Variants in APOH observed in about 807,000 individuals in gnomAD.
The protein encoded by APOH is beta-2-glycoprotein 1.
In APOH, 48 loss-of-function variants were observed where a neutral mutation model predicts 39.8. That is an observed-to-expected ratio of 1.21 (90% CI 0.96 to 1.54). The LOEUF is 1.54. Among genes scored for constraint, APOH ranks in the 40% most tolerant of loss-of-function variants. The pLI, the probability that APOH is intolerant of heterozygous loss-of-function variation, is 0.00. For synonymous variants in APOH, 153 were observed against 151.1 expected (o/e 1.01, Z -0.09); for missense variants, 415 against 421.2 (o/e 0.99, Z 0.13).
At chr17:66,227,905 C>G (rs948742229) in intron 2 of APOH, 115 bp downstream of exon 2, 4 of 1,139,756 alleles carry the variant, frequency 3.5e-6, no homozygotes, top group Middle Eastern at 6.1e-4. Context: ...TCCAACCTGG[C>G]TTTCTGCAGC....
intron 2 of APOH, 38 bp from the exon 3 acceptor site, chr17:66,226,162 G>T: frequency 7.0e-7 from 1 of 1,438,606 alleles, no homozygotes; most frequent in South Asian, 1.3e-5. Context: ...TTTTCTTTGG[G>T]CTAAAAAAAA....
At chr17:66,219,726 C>G (rs942685213) in intron 5 of APOH, among the ~76,000 whole-genome samples, 1 of 152,084 alleles carries the variant, frequency 6.6e-6, no homozygotes, top group Non-Finnish European at 1.5e-5. Flanking sequence ...TCAGACCAGC[C>G]AGATGATCAT....
chr17:66,225,951 A>C, intron 3 of APOH, 77 bp downstream of exon 3: 1 of 956,164 alleles, frequency 1.0e-6, no homozygotes, highest in Non-Finnish European at 1.6e-6. Context: ...CAAAATATAG[A>C]CCAGTCTTGA....
intron 5 of APOH, among the ~76,000 whole-genome samples, chr17:66,220,234 T>A (rs1030388450): frequency 1.2e-4 from 18 of 152,140 alleles, no homozygotes; most frequent in African/African-American, 4.1e-4. Context: ...CTTTCATGTC[T>A]CCCCCATGTG....
At chr17:66,215,777 G>T (rs926293012) in intron 6 of APOH, among the ~76,000 whole-genome samples, 1 of 152,168 alleles carries the variant, frequency 6.6e-6, no homozygotes, top group African/African-American at 2.4e-5. Context: ...TCCTGTAACT[G>T]AGAGGGTCTG....
In APOH at chr17:66,214,489, T is replaced by C. The variant is rs1039480330; in HGVS notation, c.946A>G (p.Ile316Val). The change falls in exon 7 of 8, where the codon ATA (isoleucine) becomes GTA (valine). Residue 316 changes from isoleucine to valine, a missense_variant. Transcript: ENST00000205948. ...KCSYTEDAQC[I>V]DGTIEVPKCF... The stretch of plus-strand genomic sequence containing the variant: ...TTGGGGACTTCGATAGTGCCATCTA[T>C]ACACTGAGCATCCTCTGTATAGCTA... 1.2e-6 allele frequency: 2 copies of C among 1,614,060 alleles called. No individual in the cohort carries two copies. Among genetic ancestry groups the C allele is most frequent in the African/African-American group, 2.7e-5 (2 of 74,940 alleles).
At chr17:66,225,941 C>T in intron 3 of APOH, 87 bp downstream of exon 3, 1 of 858,056 alleles carries the variant, frequency 1.2e-6, no homozygotes, top group South Asian at 2.1e-5. Context: ...AGGCTGAAAA[C>T]AAAATATAGA....
intron 7 of APOH, 128 bp from the exon 8 acceptor site, chr17:66,212,316 T>C: frequency 1.4e-6 from 1 of 709,384 alleles, no homozygotes; most frequent in Non-Finnish European, 2.4e-6. Context: ...AATGAAACCA[T>C]TTAGTGTGAG....
At position 66,220,625 on chromosome 17, in the gene APOH, T is replaced by C; in HGVS notation, c.533A>G (p.His178Arg). Residue 178 changes from histidine (H) to arginine (R), a missense_variant, in exon 5 of 8, where the codon CAT (histidine) becomes CGT (arginine). His to Arg is a conservative substitution (Grantham distance 29). This residue lies in a region of APOH where 288 missense variants were observed against 284.9 expected (regional missense o/e 1.01). Transcript: ENST00000205948. Reference sequence around the variant, plus strand: ...AATTGTATCATTTCCAAACATCGCATGTTGTGGCAAACATTCAAAAACTGC... The same window carrying C: ...AATTGTATCATTTCCAAACATCGCACGTTGTGGCAAACATTCAAAAACTGC... ...DTAVFECLPQ[H>R]AMFGNDTITC... The C allele has an allele frequency of 2.5e-6, 4 of 1,614,202 alleles. No homozygotes were observed. Among genetic ancestry groups the C allele is most frequent in the Non-Finnish European group, 3.4e-6 (4 of 1,180,046 alleles).
intron 5 of APOH, among the ~76,000 whole-genome samples, chr17:66,219,461 GAC>G (rs1374635266): frequency 6.6e-6 from 1 of 152,112 alleles, no homozygotes; most frequent in Non-Finnish European, 1.5e-5. Flanking sequence ...GAGGTCAGAT[GAC>G]ACATATGTAG....
At position 66,226,131 on chromosome 17, in the gene APOH, T is replaced by C. The variant is rs1332723596; in HGVS notation, c.242-7A>G. 3 of 1,592,638 alleles carry C rather than the reference T, an allele frequency of 1.9e-6. No individual in the cohort carries two copies. The Admixed American group carries it at 5.3e-5, about 28-fold the overall frequency. The stretch of plus-strand genomic sequence containing the variant: ...GCAAAAGGACATACTCTGGCTGTGA[T>C]ACAAAGATAAAAAATGTTACTTTTC... On this transcript the variant is annotated splice_polypyrimidine_tract_variant and splice_region_variant and intron_variant, in intron 2 of 7. Transcript: ENST00000205948.
chr17:66,217,012 A>G (rs766551787), intron 5 of APOH, 45 bp from the exon 6 acceptor site: 13 of 1,438,574 alleles, frequency 9.0e-6, no homozygotes, highest in Middle Eastern at 1.8e-4. Flanking sequence ...AAATAGTGCT[A>G]TCCAATAGTC....
At chr17:66,214,103 A>C (rs745707665) in intron 7 of APOH, among the ~76,000 whole-genome samples, 1 of 152,152 alleles carries the variant, frequency 6.6e-6, no homozygotes, top group Non-Finnish European at 1.5e-5. Flanking sequence ...TCTGTTGCCC[A>C]GGCTGGAGTG....
At chr17:66,212,626 G>A (rs1278937657) in intron 7 of APOH, among the ~76,000 whole-genome samples, 2 of 152,134 alleles carry the variant, frequency 1.3e-5, no homozygotes, top group South Asian at 2.1e-4. Context: ...TGATCCGCCC[G>A]CCTTGGCCTC....
Position 66,223,797 on chromosome 17 carries a change from A to G in APOH, c.339-23T>C, listed in dbSNP as rs775210541. 5.0e-6 allele frequency: 8 copies of G among 1,602,918 alleles called. No homozygotes were observed. The South Asian group carries it at 8.8e-5, about 18-fold the overall frequency. ...AACCTGCAAAAGGAAAATTCATTCT[A>G]TCAAGGAGTAAAATAATCCATCACT... On this transcript the variant is annotated intron_variant, in intron 3 of 7. Coordinates refer to ENST00000205948, the MANE Select transcript of APOH (RefSeq NM_000042.3).
At chr17:66,218,799 CG>C (rs2073380719) in intron 5 of APOH, among the ~76,000 whole-genome samples, 1 of 151,642 alleles carries the variant, frequency 6.6e-6, no homozygotes, top group Non-Finnish European at 1.5e-5. Flanking sequence ...CATTTTAGTT[CG>C]GGAGTTTGAG....
intron 6 of APOH, among the ~76,000 whole-genome samples, chr17:66,214,877 T>C (rs1200248188): frequency 1.4e-5 from 2 of 147,930 alleles, no homozygotes; most frequent in African/African-American, 5.0e-5. Context: ...TCCCCTACAG[T>C]AGCCACAGAA....
intron 7 of APOH, among the ~76,000 whole-genome samples, chr17:66,212,671 G>C (rs139388241): frequency 6.6e-6 from 1 of 152,286 alleles, no homozygotes; most frequent in East Asian, 1.9e-4. Context: ...GAGCCACTGC[G>C]CCTGGCCAAG....
Position 66,214,495 on chromosome 17 carries a change from G to C in APOH, c.940C>G (p.Gln314Glu). The change falls in exon 7 of 8, where the codon CAG becomes GAG. Residue 314 changes from glutamine to glutamate, a missense_variant. Gln to Glu is a conservative substitution (Grantham distance 29). Transcript: ENST00000205948. Reference protein sequence around the residue: ...EKKCSYTEDAQCIDGTIEVPK... With the variant: ...EKKCSYTEDAECIDGTIEVPK... ...ACTTCGATAGTGCCATCTATACACT[G>C]AGCATCCTCTGTATAGCTACACTTC... The C allele has an allele frequency of 6.2e-7, 1 of 1,614,158 alleles. No homozygotes were observed.
Sources: allele counts gnomAD v4.1 joint callset (sites outside exome capture counted in the v4.1 genomes callset), GRCh38; gene constraint gnomAD v4.1.1; regional missense constraint gnomAD v4.1.1; transcripts MANE v1.5; gene names NCBI Gene and HGNC (gene_info 2026-07-23, HGNC 2026-07-21).